The following EXOC2 variants were observed in gnomAD, a reference collection of about 807,000 sequenced individuals.
EXOC2 encodes exocyst complex component 2.
In EXOC2, 70 loss-of-function variants were observed where a neutral mutation model predicts 131.8. The ratio of observed to expected loss-of-function variants is 0.53; its 90% CI spans 0.44 to 0.65. EXOC2 has a LOEUF of 0.65. EXOC2 is among the 30% of genes least tolerant of loss of function. The pLI, the probability that EXOC2 is intolerant of heterozygous loss-of-function variation, is 0.00. For synonymous variants in EXOC2, 411 were observed against 398.4 expected (o/e 1.03, Z -0.38); for missense variants, 923 against 1,108.6 (o/e 0.83, Z 2.38).
intron 17 of EXOC2, among the ~76,000 whole-genome samples, chr6:557,443 A>C (rs1261862740): frequency 6.6e-6 from 1 of 151,424 alleles, no homozygotes; most frequent in Non-Finnish European, 1.5e-5. Flanking sequence ...CATGGTGAAA[A>C]CCCATCTCTA....
chr6:687,193 T>TTTTTTTTTTTTTTTTC (rs1446561420), intron 1 of EXOC2, among the ~76,000 whole-genome samples: 1 of 144,344 alleles, frequency 6.9e-6, no homozygotes, highest in Non-Finnish European at 1.5e-5. Flanking sequence ...TTTTTTTTTT[T>TTTTTTTTTTTTTTTTC]TGAGACAGGG....
intron 1 of EXOC2, among the ~76,000 whole-genome samples, chr6:646,069 G>A (rs571014638): frequency 1.3e-5 from 2 of 152,172 alleles, no homozygotes; most frequent in Admixed American, 1.3e-4. Context: ...CTGTTGATTT[G>A]ATTTGGGTTA....
At chr6:586,516 A>AAT (rs1581497570) in intron 11 of EXOC2, among the ~76,000 whole-genome samples, 1 of 152,238 alleles carries the variant, frequency 6.6e-6, no homozygotes, top group East Asian at 1.9e-4. Flanking sequence ...TCACCTATGT[A>AAT]TAGCAAAATA....
At chr6:541,249 A>G (rs922816834) in intron 22 of EXOC2, among the ~76,000 whole-genome samples, 2 of 152,220 alleles carry the variant, frequency 1.3e-5, no homozygotes, top group Non-Finnish European at 1.5e-5. Flanking sequence ...AAAATAGAAT[A>G]TTAAAATTCA....
intron 6 of EXOC2, among the ~76,000 whole-genome samples, chr6:613,083 G>C (rs765845355): frequency 5.3e-5 from 8 of 152,136 alleles, no homozygotes; most frequent in Admixed American, 3.3e-4. Flanking sequence ...AGCAGTATCT[G>C]CTAACAACCC....
chr6:530,286 G>C (rs888144332), intron 23 of EXOC2, among the ~76,000 whole-genome samples: 2 of 152,214 alleles, frequency 1.3e-5, no homozygotes, highest in Admixed American at 6.5e-5. Flanking sequence ...GGCACATTTA[G>C]AGAGATGGTA....
intron 17 of EXOC2, among the ~76,000 whole-genome samples, chr6:558,070 A>G (rs1228362895): frequency 1.3e-5 from 2 of 152,226 alleles, no homozygotes; most frequent in Non-Finnish European, 2.9e-5. Flanking sequence ...GTTGTGTGCA[A>G]AACACTGGGA....
chr6:547,941 G>A (rs937113026), intron 22 of EXOC2, among the ~76,000 whole-genome samples: 1 of 152,110 alleles, frequency 6.6e-6, no homozygotes, highest in African/African-American at 2.4e-5. Context: ...AAAAAACCTA[G>A]AGAAAACCAA....
intron 25 of EXOC2, among the ~76,000 whole-genome samples, chr6:493,916 G>T (rs1002745573): frequency 1.3e-5 from 2 of 152,206 alleles, no homozygotes; most frequent in African/African-American, 4.8e-5. Flanking sequence ...CTCCCTGCTG[G>T]TTTTGAGAGT....
At chr6:613,355 C>T (rs757689103) in intron 6 of EXOC2, among the ~76,000 whole-genome samples, 8 of 151,802 alleles carry the variant, frequency 5.3e-5, no homozygotes, top group South Asian at 2.1e-4. Context: ...AATGGAATAC[C>T]GGGTTGGGAT....
At chr6:573,227 C>T (rs1245441675) in intron 12 of EXOC2, among the ~76,000 whole-genome samples, 1 of 152,226 alleles carries the variant, frequency 6.6e-6, no homozygotes, top group Non-Finnish European at 1.5e-5. Context: ...TTTGGCTATA[C>T]ATCATTTAAC....
chr6:487,743 G>A (rs1763161166), intron 27 of EXOC2, among the ~76,000 whole-genome samples: 1 of 152,128 alleles, frequency 6.6e-6, no homozygotes, highest in Non-Finnish European at 1.5e-5. Flanking sequence ...GGATCTTAGA[G>A]TTTTCCTGGT....
chr6:636,825 T>A (rs1762124291), intron 2 of EXOC2, among the ~76,000 whole-genome samples: 1 of 152,204 alleles, frequency 6.6e-6, no homozygotes, highest in Non-Finnish European at 1.5e-5. Context: ...TAACTGGCCA[T>A]AAAATTATAC....
At chr6:489,780 G>A (rs918511156) in intron 26 of EXOC2, among the ~76,000 whole-genome samples, 2 of 152,150 alleles carry the variant, frequency 1.3e-5, no homozygotes, top group African/African-American at 4.8e-5. Context: ...GACTTTAGGG[G>A]GTCGTTGCTT....
chr6:538,356 G>A (rs1766591128), intron 22 of EXOC2, among the ~76,000 whole-genome samples: 2 of 152,118 alleles, frequency 1.3e-5, no homozygotes, highest in Admixed American at 1.3e-4. Context: ...TAGAAAACTG[G>A]GTCTGCTTGA....
intron 1 of EXOC2, among the ~76,000 whole-genome samples, chr6:683,824 C>G (rs933640452): frequency 6.6e-6 from 1 of 152,172 alleles, no homozygotes; most frequent in African/African-American, 2.4e-5. Flanking sequence ...GCAAAATAAT[C>G]ACAGCACTCA....
At chr6:521,264 G>A (rs571614068) in intron 23 of EXOC2, among the ~76,000 whole-genome samples, 25 of 150,712 alleles carry the variant, frequency 1.7e-4, no homozygotes, top group African/African-American at 5.1e-4. Flanking sequence ...ACTCGGAGAC[G>A]AAAACCACCA....
intron 11 of EXOC2, among the ~76,000 whole-genome samples, chr6:578,713 G>C (rs1437008654): frequency 6.6e-6 from 1 of 152,054 alleles, no homozygotes; most frequent in African/African-American, 2.4e-5. Context: ...TTGTATTTTT[G>C]AAAATATTAA....
intron 4 of EXOC2, among the ~76,000 whole-genome samples, chr6:624,690 G>A (rs1369688197): frequency 1.3e-5 from 2 of 152,186 alleles, no homozygotes; most frequent in East Asian, 1.9e-4. Context: ...CTACAAATCC[G>A]TAAAGATGAC....
Sources: gnomAD v4.1 joint callset for allele counts (sites outside exome capture counted in the v4.1 genomes callset) on GRCh38, gnomAD v4.1.1 for gene constraint, MANE v1.5 for transcripts, NCBI Gene and HGNC (gene_info 2026-07-23, HGNC 2026-07-21) for gene names.